Variants in REV1 observed in about 807,000 individuals in gnomAD.
The protein encoded by REV1 is translesion synthesis protein REV1.
Under a neutral mutation model 137.4 loss-of-function variants are expected in REV1, and 42 were observed. The observed-to-expected ratio is 0.31, with a 90% confidence interval of 0.24 to 0.40. The LOEUF (loss-of-function observed/expected upper bound fraction) is 0.40. Ranked by LOEUF, REV1 falls within the 10% of genes least tolerant of loss-of-function variation. The pLI is 1.00. For synonymous variants in REV1, 524 were observed against 519.2 expected, an observed-to-expected ratio of 1.01 and a Z score of -0.12; for missense variants, 1,282 against 1,490.1, an observed-to-expected ratio of 0.86 and a Z score of 2.30.
At chr2:99,479,153 T>C (rs912615844) in intron 1 of REV1, among the ~76,000 whole-genome samples, 8 of 151,196 alleles carry the variant, frequency 5.3e-5, no homozygotes, top group Admixed American at 5.3e-4. Context: ...CATGGTGAAA[T>C]CCCGTCTCTA....
intron 1 of REV1, among the ~76,000 whole-genome samples, chr2:99,470,253 G>A (rs1013571475): frequency 2.0e-5 from 3 of 152,098 alleles, no homozygotes; most frequent in Admixed American, 2.0e-4. Context: ...GTGTTAATCT[G>A]ATGGTTACAT....
At chr2:99,460,445 TGGA>T (rs1684056380) in intron 3 of REV1, among the ~76,000 whole-genome samples, 1 of 152,198 alleles carries the variant, frequency 6.6e-6, no homozygotes, top group African/African-American at 2.4e-5. Flanking sequence ...TACATGCTAA[TGGA>T]GAAGAAAGAT....
At chr2:99,403,161 A>G in intron 19 of REV1, 55 bp from the exon 20 acceptor site, 1 of 1,388,812 alleles carries the variant, frequency 7.2e-7, no homozygotes, top group Non-Finnish European at 9.7e-7. Context: ...GATAGTCTGG[A>G]TGACAGTATT....
chr2:99,422,310 G>GA lies in REV1; in HGVS notation c.1677-658dup, dbSNP rs555611805. 1.3e-3 allele frequency among the ~76,000 whole-genome samples: 192 copies of GA among 152,320 alleles called. 5 individuals are homozygous for GA. The South Asian group carries it at 0.015, about 12-fold the overall frequency. ...TTAGAGAAAAGAAAAAGGAAGACAA[G>GA]AGTTGCTATGTGGCCCCCATGCTAA... On this transcript the variant is annotated intron_variant, in intron 10 of 22. Coordinates refer to ENST00000258428, the MANE Select transcript of REV1 (RefSeq NM_016316.4).
intron 14 of REV1, 64 bp from the exon 15 acceptor site, chr2:99,408,195 G>T: frequency 1.2e-6 from 1 of 847,658 alleles, no homozygotes; most frequent in Non-Finnish European, 1.8e-6. Context: ...TACTAAAGTA[G>T]TATGGAACTG....
chr2:99,487,162 C>T (rs1687239344), intron 1 of REV1, among the ~76,000 whole-genome samples: 1 of 152,108 alleles, frequency 6.6e-6, no homozygotes, highest in Non-Finnish European at 1.5e-5. Flanking sequence ...GTTCAAGAAC[C>T]GGCAAAATGA....
intron 12 of REV1, among the ~76,000 whole-genome samples, chr2:99,417,281 AG>A: frequency 2.6e-5 from 4 of 152,186 alleles, no homozygotes; most frequent in Admixed American, 2.6e-4. Flanking sequence ...CTGGGACTAC[AG>A]GCATGTGCCA....
At chr2:99,451,856 G>A (rs1378685219) in intron 3 of REV1, among the ~76,000 whole-genome samples, 1 of 152,044 alleles carries the variant, frequency 6.6e-6, no homozygotes, top group Non-Finnish European at 1.5e-5. Context: ...TGCCAATAGT[G>A]CACTATGGAC....
At chr2:99,436,099 CAA>C (rs1405700079) in intron 6 of REV1, among the ~76,000 whole-genome samples, 158 bp from the exon 7 acceptor site, 10 of 146,492 alleles carry the variant, frequency 6.8e-5, no homozygotes, top group African/African-American at 2.6e-4. Context: ...TCTATCACCT[CAA>C]GAGAAGCCAA....
At chr2:99,422,677 G>A (rs1312413239) in intron 10 of REV1, among the ~76,000 whole-genome samples, 2 of 152,154 alleles carry the variant, frequency 1.3e-5, no homozygotes, top group Admixed American at 1.3e-4. Context: ...ATTTCCCAAG[G>A]GTGGTAGAAG....
At chr2:99,462,672 C>A (rs1553563907) in intron 2 of REV1, 50 bp from the exon 3 acceptor site, 2 of 1,567,630 alleles carry the variant, frequency 1.3e-6, no homozygotes, top group Admixed American at 2.2e-5. Context: ...ATTTTCTCCC[C>A]CCTTTTTTGA....
chr2:99,435,885 T>C lies in REV1; in HGVS notation c.1270A>G (p.Met424Val), dbSNP rs141742991. Reference sequence around the variant, plus strand: ...CCCACTGATACAAAGAAGCAATCCATATCAACATGCATTATACAGCTCTGA... The same window carrying C: ...CCCACTGATACAAAGAAGCAATCCACATCAACATGCATTATACAGCTCTGA... Reference protein sequence around the residue: ...RHQSCIMHVDMDCFFVSVGIR... With the variant: ...RHQSCIMHVDVDCFFVSVGIR... The change falls in exon 7 of 23, where the codon ATG (methionine) becomes GTG (valine). Residue 424 changes from methionine (M) to valine (V), a missense_variant. Coordinates refer to ENST00000258428, the MANE Select transcript of REV1 (RefSeq NM_016316.4). 20 of 1,609,260 alleles carry C rather than the reference T, an allele frequency of 1.2e-5. No individual in the cohort carries two copies. The African/African-American group carries it at 2.5e-4, about 20-fold the overall frequency.
At position 99,403,660 on chromosome 2, in the gene REV1, C is replaced by T. The variant is rs2104349333; in HGVS notation, c.3166+35G>A. On this transcript the variant is annotated intron_variant, in intron 19 of 22. Coordinates refer to ENST00000258428, the MANE Select transcript of REV1 (RefSeq NM_016316.4). ...CAACAGTGACTCCATTACTCTTTGT[C>T]TTCATTTTTGTTACATGCCACTTCC... 7 of 1,613,874 alleles carry T rather than the reference C, an allele frequency of 4.3e-6. No individual in the cohort carries two copies. The South Asian group carries it at 5.5e-5, about 13-fold the overall frequency.
At chr2:99,429,817 T>A (rs745887812) in intron 9 of REV1, 23 bp downstream of exon 9, 47 of 1,351,876 alleles carry the variant, frequency 3.5e-5, no homozygotes, top group Non-Finnish European at 4.5e-5. Flanking sequence ...CATTAAGAAT[T>A]GTAACACACA....
Position 99,406,317 on chromosome 2 carries a change from C to A in REV1, c.2614+8G>T. ...ACCTAAAAAAGAACCACATTGATGA[C>A]CACCAACCTTCTTTGTGCTCCTCTT... On this transcript the variant is annotated splice_region_variant and intron_variant, in intron 16 of 22. Coordinates refer to ENST00000258428, the MANE Select transcript of REV1 (RefSeq NM_016316.4). The A allele has an allele frequency of 6.2e-7, 1 of 1,606,270 alleles. No homozygotes were observed. The highest frequency in any genetic ancestry group is 8.5e-7 in the Non-Finnish European group (1 of 1,175,872).
At chr2:99,469,194 A>G (rs1685136187) in intron 1 of REV1, among the ~76,000 whole-genome samples, 1 of 152,224 alleles carries the variant, frequency 6.6e-6, no homozygotes, top group South Asian at 2.1e-4. Context: ...CCCACCTTCA[A>G]TTTTAGCAGC....
chr2:99,455,617 CT>C (rs1683447746), intron 3 of REV1, among the ~76,000 whole-genome samples: 1 of 152,154 alleles, frequency 6.6e-6, no homozygotes, highest in South Asian at 2.1e-4. Flanking sequence ...TCCTCCATCT[CT>C]TATCTACAAG....
intron 4 of REV1, among the ~76,000 whole-genome samples, chr2:99,444,051 A>AC (rs1019425339): frequency 9.9e-5 from 15 of 151,952 alleles, no homozygotes; most frequent in African/African-American, 3.1e-4. Flanking sequence ...CGATCTCCTG[A>AC]CCTCGTGATC....
intron 9 of REV1, among the ~76,000 whole-genome samples, chr2:99,425,189 G>A (rs541542748): frequency 1.4e-4 from 21 of 152,074 alleles, no homozygotes; most frequent in African/African-American, 2.9e-4. Flanking sequence ...TTTAAGAAAC[G>A]TATATACAAA....
Sources: gnomAD v4.1 joint callset for allele counts (sites outside exome capture counted in the v4.1 genomes callset) on GRCh38, gnomAD v4.1.1 for gene constraint, MANE v1.5 for transcripts, NCBI Gene and HGNC (gene_info 2026-07-23, HGNC 2026-07-21) for gene names.